PTPRD: variants seen among roughly 807,000 people sequenced by gnomAD.
PTPRD encodes protein tyrosine phosphatase receptor type D, also known as receptor-type tyrosine-protein phosphatase delta.
PTPRD carries 34 observed loss-of-function variants against 214.5 expected under a neutral mutation model. That is an observed-to-expected ratio of 0.16 (90% CI 0.12 to 0.21). The LOEUF (loss-of-function observed/expected upper bound fraction) is 0.21. Among genes scored for constraint, PTPRD ranks in the 10% least tolerant of loss-of-function variants. The pLI is 1.00. For missense variants in PTPRD, 2,545 were observed against 2,398.7 expected (o/e 1.06, Z -1.27); for synonymous variants, 1,128 against 845.7 (o/e 1.33, Z -5.79).
chr9:8,485,824 G>A lies in PTPRD; in HGVS notation c.2993C>T (p.Thr998Met), dbSNP rs547908736. ...ACTATATGGCCCGGGCCCTTTGCTC[G>A]TATGAGCACGTACTTTTACATCGTA... ...TTYDVKVRAH[T>M]SKGPGPYSPS... The change falls in exon 28 of 46, where the codon ACG (threonine) becomes ATG (methionine). Residue 998 changes from threonine (T) to methionine (M), a missense_variant. Thr to Met is a moderately conservative substitution (Grantham distance 81). Coordinates refer to ENST00000381196, the MANE Select transcript of PTPRD (RefSeq NM_002839.4). The A allele has an allele frequency of 3.1e-6, 5 of 1,614,064 alleles. No homozygotes were observed. Among genetic ancestry groups the A allele is most frequent in the Admixed American group, 1.7e-5 (1 of 60,016 alleles).
chr9:9,500,521 T>A (rs773858940), intron 8 of PTPRD, among the ~76,000 whole-genome samples: 2 of 152,004 alleles, frequency 1.3e-5, no homozygotes, highest in Non-Finnish European at 2.9e-5. Context: ...TTTGGTTGGA[T>A]AGGGTATCAG....
intron 11 of PTPRD, among the ~76,000 whole-genome samples, chr9:8,776,234 T>C (rs901997340): frequency 6.6e-6 from 1 of 152,182 alleles, no homozygotes; most frequent in African/African-American, 2.4e-5. Context: ...ACAACTATAC[T>C]AAGGCTCAGT....
At chr9:8,793,151 C>T (rs1382928621) in intron 11 of PTPRD, among the ~76,000 whole-genome samples, 3 of 152,172 alleles carry the variant, frequency 2.0e-5, no homozygotes, top group African/African-American at 7.2e-5. Context: ...GTCTGTAGCC[C>T]TGTCATTGTA....
intron 11 of PTPRD, among the ~76,000 whole-genome samples, chr9:8,876,879 A>C (rs1480375556): frequency 6.6e-6 from 1 of 152,076 alleles, no homozygotes; most frequent in Non-Finnish European, 1.5e-5. Context: ...GTCCTTTAAA[A>C]TGTATCCTCC....
intron 9 of PTPRD, among the ~76,000 whole-genome samples, chr9:9,245,230 G>T (rs575343455): frequency 6.6e-6 from 1 of 152,132 alleles, no homozygotes; most frequent in Admixed American, 6.5e-5. Context: ...ACAGTATGGC[G>T]ATTCCTCGGG....
intron 9 of PTPRD, among the ~76,000 whole-genome samples, chr9:9,292,974 T>C (rs1362328742): frequency 6.6e-6 from 1 of 151,500 alleles, no homozygotes; most frequent in Non-Finnish European, 1.5e-5. Context: ...TTCATCTTGA[T>C]TACCTGCTTA....
intron 9 of PTPRD, among the ~76,000 whole-genome samples, chr9:9,307,972 C>A (rs935244251): frequency 1.3e-5 from 2 of 152,108 alleles, no homozygotes; most frequent in Non-Finnish European, 2.9e-5. Context: ...AGCAGACAAG[C>A]TATCCTGCAA....
At chr9:10,031,647 T>TATATATATATATAC in intron 4 of PTPRD, among the ~76,000 whole-genome samples, 4 of 89,648 alleles carry the variant, frequency 4.5e-5, no homozygotes, top group African/African-American at 2.4e-4. Flanking sequence ...TATATATATA[T>TATATATATATATAC]ACACACACAC....
intron 10 of PTPRD, among the ~76,000 whole-genome samples, chr9:9,072,234 T>C (rs2099744772): frequency 6.6e-6 from 1 of 150,602 alleles, no homozygotes. Flanking sequence ...AGGGTTAGAA[T>C]CTCAGAAAGA....
chr9:9,639,298 C>T (rs1395111193), intron 7 of PTPRD, among the ~76,000 whole-genome samples: 4 of 152,152 alleles, frequency 2.6e-5, no homozygotes, highest in African/African-American at 7.2e-5. Flanking sequence ...TTAGTGCCTA[C>T]ATTTTATAGT....
At chr9:9,693,661 T>C (rs1449847720) in intron 7 of PTPRD, among the ~76,000 whole-genome samples, 3 of 152,200 alleles carry the variant, frequency 2.0e-5, no homozygotes, top group African/African-American at 4.8e-5. Context: ...TCTGCTATTA[T>C]CCCTTCGAAT....
chr9:8,553,671 C>T (rs968181954), intron 14 of PTPRD, among the ~76,000 whole-genome samples: 3 of 152,206 alleles, frequency 2.0e-5, no homozygotes, highest in African/African-American at 7.2e-5. Flanking sequence ...GCTTCTCAGC[C>T]TTTTGGCTAA....
At chr9:9,070,628 A>C (rs1403792953) in intron 10 of PTPRD, among the ~76,000 whole-genome samples, 1 of 152,200 alleles carries the variant, frequency 6.6e-6, no homozygotes, top group Non-Finnish European at 1.5e-5. Flanking sequence ...AAAAGCAATA[A>C]GCACTTTTAA....
At chr9:10,048,078 G>A (rs1004116312) in intron 3 of PTPRD, among the ~76,000 whole-genome samples, 4 of 152,036 alleles carry the variant, frequency 2.6e-5, no homozygotes, top group African/African-American at 7.2e-5. Flanking sequence ...TCTATTTCTC[G>A]CTGCAAAGCA....
At chr9:10,363,780 G>T (rs774648616) in intron 2 of PTPRD, among the ~76,000 whole-genome samples, 11 of 151,906 alleles carry the variant, frequency 7.2e-5, no homozygotes, top group Non-Finnish European at 1.6e-4. Context: ...TTTTTGCAAT[G>T]AAAAGGTCAG....
chr9:9,382,646 G>C (rs1057287417), intron 9 of PTPRD, among the ~76,000 whole-genome samples: 26 of 152,066 alleles, frequency 1.7e-4, no homozygotes, highest in Non-Finnish European at 3.4e-4. Context: ...GAAAGAGAGA[G>C]AGAGAATAAG....
Position 9,901,533 on chromosome 9 carries a change from A to C in PTPRD, c.-368+36974T>G, listed in dbSNP as rs182595909. ...ATCTAAGAATTAACAGTTGCTGGGG[A>C]AATATATAACCAAAGTTTAAAATAT... On this transcript the variant is annotated intron_variant, in intron 5 of 45. Transcript: ENST00000381196. Among the ~76,000 whole-genome samples the C allele has an allele frequency of 3.6e-3, 554 of 152,160 alleles. 4 individuals carry two copies. The highest frequency in any genetic ancestry group is 0.013 in the African/African-American group (535 of 41,558).
chr9:9,969,833 G>T (rs2094965146), intron 4 of PTPRD, among the ~76,000 whole-genome samples: 1 of 152,142 alleles, frequency 6.6e-6, no homozygotes, highest in African/African-American at 2.4e-5. Flanking sequence ...TCCCACCCAA[G>T]CCCAGTTTTA....
intron 9 of PTPRD, among the ~76,000 whole-genome samples, chr9:9,230,973 A>G (rs1014240184): frequency 2.0e-5 from 3 of 152,008 alleles, no homozygotes; most frequent in Admixed American, 1.3e-4. Flanking sequence ...CAAATAGCCA[A>G]TCTCACACTT....
Sources: gnomAD v4.1 joint callset for allele counts (sites outside exome capture counted in the v4.1 genomes callset) on GRCh38, gnomAD v4.1.1 for gene constraint, MANE v1.5 for transcripts, NCBI Gene and HGNC (gene_info 2026-07-23, HGNC 2026-07-21) for gene names.